FAM43B: variants seen among roughly 807,000 people sequenced by gnomAD.
FAM43B encodes family with sequence similarity 43 member B, also known as protein FAM43B.
A neutral mutation model predicts 20.1 loss-of-function variants in FAM43B; 17 were observed. The observed-to-expected ratio is 0.84, with a 90% confidence interval of 0.58 to 1.27. The LOEUF is 1.27. Ranked by LOEUF, FAM43B falls within the 50% of genes most tolerant of loss-of-function variation. FAM43B has a pLI of 0.00. For synonymous variants in FAM43B, 208 were observed against 238.5 expected (o/e 0.87, Z 1.18); for missense variants, 512 against 516.7 (o/e 0.99, Z 0.09).
chr1:20,553,905 CCGCGCAGCCCCGCCGCT>C lies in FAM43B; in HGVS notation c.933_949del (p.Ala312GlufsTer68). 1 of 1,260,406 alleles carries C rather than the reference CCGCGCAGCCCCGCCGCT, an allele frequency of 7.9e-7. No individual in the cohort carries two copies. Among genetic ancestry groups the C allele is most frequent in the Non-Finnish European group, 9.9e-7 (1 of 1,007,990 alleles). The allele number at this position is 1,260,406 out of a possible 1,614,324, so 78.1% of individuals were successfully genotyped here. The stretch of plus-strand genomic sequence containing the variant: ...CGGGGCGCCCCGGCGCCCCCGCCGC[CCGCGCAGCCCCGCCGCT>C]GGAAGGCCGGCCCCAGGGAGCGGGC... On this transcript the variant is annotated frameshift_variant, in exon 1 of 1. Transcript: ENST00000332947. LOFTEE classifies it high-confidence loss of function. The surrounding 1 kb of genome is among the most constrained non-coding windows in gnomAD (Gnocchi z 6.5).
In FAM43B at chr1:20,553,525, G is replaced by T. The variant is rs1250225596; in HGVS notation, c.552G>T (p.Ala184=). 2 of 1,333,454 alleles carry T rather than the reference G, an allele frequency of 1.5e-6. No homozygotes were observed. Among genetic ancestry groups the T allele is most frequent in the Non-Finnish European group, 9.5e-7 (1 of 1,048,644 alleles). The allele number at this position is 1,333,454 out of a possible 1,614,324, so 82.6% of individuals were successfully genotyped here. Residue 184 remains alanine, a synonymous_variant, in exon 1 of 1, where the codon GCG becomes GCT. Transcript: ENST00000332947. The surrounding 1 kb of genome is among the most constrained non-coding windows in gnomAD (Gnocchi z 6.5). ...GCCACGCTGTGCTGCTGGCGCGGGC[G>T]CACAAGGCGCGCGCCCTGGCCCGCC... The part of the protein sequence containing the change: ...LRCHAVLLAR[A]HKARALARLL...
Position 20,552,723 on chromosome 1 carries a change from A to G in FAM43B, c.-251A>G, listed in dbSNP as rs959578017. On this transcript the variant is annotated 5_prime_UTR_variant, in exon 1 of 1. Transcript: ENST00000332947. ...CCTCGCTTCCCAGACGGCTGGAGAC[A>G]CTCCCGGGAAAAGCGGTCCTCAGCC... 3 of 520,026 alleles carry G rather than the reference A, an allele frequency of 5.8e-6. No individual in the cohort carries two copies. Among genetic ancestry groups the G allele is most frequent in the African/African-American group, 4.0e-5 (2 of 49,562 alleles). The allele number at this position is 520,026 out of a possible 1,614,324, so 32.2% of individuals were successfully genotyped here.
At position 20,553,628 on chromosome 1, in the gene FAM43B, C is replaced by A; in HGVS notation, c.655C>A (p.Gln219Lys). Reference protein sequence around the residue: ...QRQSDARHVRQQHLRAGGAAA... With the variant: ...QRQSDARHVRKQHLRAGGAAA... ...CCAGAGCGACGCGCGCCACGTGCGC[C>A]AGCAGCATCTCCGCGCTGGGGGCGC... The change falls in exon 1 of 1, where the codon CAG (glutamine) becomes AAG (lysine). Residue 219 changes from glutamine to lysine, a missense_variant. Gln to Lys is a moderately conservative substitution (Grantham distance 53). Transcript: ENST00000332947. This position sits in a 1 kb window ranked among gnomAD's most constrained non-coding sequence, Gnocchi z 6.5. 7.8e-7 allele frequency: 1 copy of A among 1,281,894 alleles called. No individual in the cohort carries two copies. Among genetic ancestry groups the A allele is most frequent in the South Asian group, 2.6e-5 (1 of 37,750 alleles). 79.4% of individuals were successfully genotyped at this position (1,281,894 alleles called of 1,614,324 possible).
rs754150459 is a variant in FAM43B at position 20,553,027 on chromosome 1, C to T, written c.54C>T (p.Cys18=). 2.5e-6 allele frequency: 4 copies of T among 1,613,456 alleles called. No homozygotes were observed. The African/African-American group carries it at 5.3e-5, about 22-fold the overall frequency. Residue 18 remains cysteine, a synonymous_variant, in exon 1 of 1, where the codon TGC becomes TGT. Coordinates refer to ENST00000332947, the MANE Select transcript of FAM43B (RefSeq NM_207334.3). This position sits in a 1 kb window ranked among gnomAD's most constrained non-coding sequence, Gnocchi z 6.5. The part of the protein sequence containing the change: ...KFVLVEDEAK[C]KAKSLSPGLA... ...TGCTGGTGGAGGACGAGGCCAAGTG[C>T]AAGGCGAAGAGCCTGAGTCCGGGGC...
chr1:20,554,720 C>G lies in FAM43B; in HGVS notation c.*757C>G, dbSNP rs1162070456. 6.0e-6 allele frequency: 1 copy of G among 167,118 alleles called. No individual in the cohort carries two copies. Among genetic ancestry groups the G allele is most frequent in the East Asian group, 1.9e-4 (1 of 5,192 alleles). 10.4% of individuals were successfully genotyped at this position (167,118 alleles called of 1,614,324 possible). On this transcript the variant is annotated 3_prime_UTR_variant, in exon 1 of 1. Transcript: ENST00000332947. Reference sequence around the variant, plus strand: ...GTGTGTGGCCCCCTCCTAGGTGCCCCACAACCAGGACCAAGATGGGGCTCC... The same window carrying G: ...GTGTGTGGCCCCCTCCTAGGTGCCCGACAACCAGGACCAAGATGGGGCTCC...
In FAM43B at chr1:20,553,273, T is replaced by C. The variant is rs760708153; in HGVS notation, c.300T>C (p.Ala100=). The change falls in exon 1 of 1, where the codon GCT becomes GCC. Residue 100 remains alanine, a synonymous_variant. Coordinates refer to ENST00000332947, the MANE Select transcript of FAM43B (RefSeq NM_207334.3). This position sits in a 1 kb window ranked among gnomAD's most constrained non-coding sequence, Gnocchi z 6.5. ...CTDDAVGKIW[A]RCGPGGGTKM... ...ACGACGCCGTGGGCAAGATCTGGGCTCGCTGCGGGCCTGGCGGGGGCACTA... is the reference window on the plus strand; with the variant it reads ...ACGACGCCGTGGGCAAGATCTGGGCCCGCTGCGGGCCTGGCGGGGGCACTA... 5.0e-6 allele frequency: 8 copies of C among 1,610,574 alleles called. No homozygotes were observed. The highest frequency in any genetic ancestry group is 5.9e-6 in the Non-Finnish European group (7 of 1,178,958).
chr1:20,552,899 G>C lies in FAM43B; in HGVS notation c.-75G>C, dbSNP rs2052146254. ...ACTCCAGGGCGGTGGACTTCTGCGC[G>C]CCTTCCCTCCCCCGGTCTCCCGACA... On this transcript the variant is annotated 5_prime_UTR_variant, in exon 1 of 1. Coordinates refer to ENST00000332947, the MANE Select transcript of FAM43B (RefSeq NM_207334.3). 6.5e-7 allele frequency: 1 copy of C among 1,536,226 alleles called. No individual in the cohort carries two copies. The highest frequency in any genetic ancestry group is 2.3e-5 in the East Asian group (1 of 43,518).
chr1:20,553,988 C>T lies in FAM43B; in HGVS notation c.*25C>T. ...AGAGCCGAAGGACAGGACTCGCAGC[C>T]CCAGGCCCGACCCGCCAGACTCACA... On this transcript the variant is annotated 3_prime_UTR_variant, in exon 1 of 1. Coordinates refer to ENST00000332947, the MANE Select transcript of FAM43B (RefSeq NM_207334.3). The surrounding 1 kb of genome is among the most constrained non-coding windows in gnomAD (Gnocchi z 6.5). The T allele has an allele frequency of 1.7e-6, 2 of 1,210,268 alleles. No homozygotes were observed. Among genetic ancestry groups the T allele is most frequent in the Non-Finnish European group, 1.0e-6 (1 of 974,826 alleles). 75.0% of individuals were successfully genotyped at this position (1,210,268 alleles called of 1,614,324 possible).
At position 20,554,185 on chromosome 1, in the gene FAM43B, C is replaced by T. The variant is rs544373129; in HGVS notation, c.*222C>T. On this transcript the variant is annotated 3_prime_UTR_variant, in exon 1 of 1. Transcript: ENST00000332947. ...TCCCCACACCCGGAGTTTCCCGGGC[C>T]TGCCATTGTGGACCCGCCCCCTATG... 1 of 398,520 alleles carries T rather than the reference C, an allele frequency of 2.5e-6. No homozygotes were observed. The highest frequency in any genetic ancestry group is 4.1e-6 in the Non-Finnish European group (1 of 241,366). 24.7% of individuals were successfully genotyped at this position (398,520 alleles called of 1,614,324 possible). A position where few individuals can be genotyped will look rare whatever the true frequency, so the allele number is the denominator to read the frequency against.
In FAM43B at chr1:20,553,920, G is replaced by A; in HGVS notation, c.947G>A (p.Arg316His). Reference protein sequence around the residue: ...PAPPPPAQPRRWKAGPRERAG... With the variant: ...PAPPPPAQPRHWKAGPRERAG... ...CCCCCGCCGCCCGCGCAGCCCCGCCGCTGGAAGGCCGGCCCCAGGGAGCGG... is the reference window on the plus strand; with the variant it reads ...CCCCCGCCGCCCGCGCAGCCCCGCCACTGGAAGGCCGGCCCCAGGGAGCGG... The change falls in exon 1 of 1, where the codon CGC becomes CAC. Residue 316 changes from arginine to histidine, a missense_variant. By Grantham distance (29) the Arg-to-His change is conservative. Transcript: ENST00000332947. The surrounding 1 kb of genome is among the most constrained non-coding windows in gnomAD (Gnocchi z 6.5). 4 of 1,252,480 alleles carry A rather than the reference G, an allele frequency of 3.2e-6. No homozygotes were observed. Among genetic ancestry groups the A allele is most frequent in the African/African-American group, 1.6e-5 (1 of 63,766 alleles). 77.6% of individuals were successfully genotyped at this position (1,252,480 alleles called of 1,614,324 possible). A position where few individuals can be genotyped will look rare whatever the true frequency, so the allele number is the denominator to read the frequency against.
chr1:20,553,984 C>A lies in FAM43B; in HGVS notation c.*21C>A. The A allele has an allele frequency of 8.2e-7, 1 of 1,214,170 alleles. No individual in the cohort carries two copies. 75.2% of individuals were successfully genotyped at this position (1,214,170 alleles called of 1,614,324 possible). ...GCTGAGAGCCGAAGGACAGGACTCG[C>A]AGCCCCAGGCCCGACCCGCCAGACT... On this transcript the variant is annotated 3_prime_UTR_variant, in exon 1 of 1. Coordinates refer to ENST00000332947, the MANE Select transcript of FAM43B (RefSeq NM_207334.3). This position sits in a 1 kb window ranked among gnomAD's most constrained non-coding sequence, Gnocchi z 6.5.
chr1:20,553,588 C>A lies in FAM43B; in HGVS notation c.615C>A (p.Phe205Leu), dbSNP rs1055610460. ...RQTALAAFSD[F>L]KRLQRQSDAR... The stretch of plus-strand genomic sequence containing the variant: ...CCGCGCTGGCGGCCTTCAGCGACTT[C>A]AAGCGCCTGCAGCGCCAGAGCGACG... Residue 205 changes from phenylalanine (F) to leucine (L), a missense_variant, in exon 1 of 1, where the codon TTC becomes TTA. Coordinates refer to ENST00000332947, the MANE Select transcript of FAM43B (RefSeq NM_207334.3). This position sits in a 1 kb window ranked among gnomAD's most constrained non-coding sequence, Gnocchi z 6.5. The A allele has an allele frequency of 3.9e-6, 5 of 1,281,354 alleles. No homozygotes were observed. The African/African-American group carries it at 7.8e-5, about 20-fold the overall frequency. The allele number at this position is 1,281,354 out of a possible 1,614,324, so 79.4% of individuals were successfully genotyped here. A position where few individuals can be genotyped will look rare whatever the true frequency, so the allele number is the denominator to read the frequency against.
Position 20,553,598 on chromosome 1 carries a change from C to A in FAM43B, c.625C>A (p.Gln209Lys). ...GGCCTTCAGCGACTTCAAGCGCCTG[C>A]AGCGCCAGAGCGACGCGCGCCACGT... ...LAAFSDFKRL[Q>K]RQSDARHVRQ... Residue 209 changes from glutamine to lysine, a missense_variant, in exon 1 of 1, where the codon CAG becomes AAG. Physicochemically the swap from Gln to Lys is moderately conservative, Grantham distance 53. Coordinates refer to ENST00000332947, the MANE Select transcript of FAM43B (RefSeq NM_207334.3). The surrounding 1 kb of genome is among the most constrained non-coding windows in gnomAD (Gnocchi z 6.5). 1 of 1,279,962 alleles carries A rather than the reference C, an allele frequency of 7.8e-7. No homozygotes were observed. Among genetic ancestry groups the A allele is most frequent in the African/African-American group, 1.6e-5 (1 of 64,166 alleles). The allele number at this position is 1,279,962 out of a possible 1,614,324, so 79.3% of individuals were successfully genotyped here.
In FAM43B at chr1:20,554,428, C is replaced by T. The variant is rs1397516245; in HGVS notation, c.*465C>T. 1 of 167,448 alleles carries T rather than the reference C, an allele frequency of 6.0e-6. No homozygotes were observed. The allele number at this position is 167,448 out of a possible 1,614,324, so 10.4% of individuals were successfully genotyped here. A position where few individuals can be genotyped will look rare whatever the true frequency, so the allele number is the denominator to read the frequency against. The stretch of plus-strand genomic sequence containing the variant: ...TCTTGTAGGAGAAGAATCTAGCGGC[C>T]GGGGAGAATTGGGGCCGGGCCGGCG... On this transcript the variant is annotated 3_prime_UTR_variant, in exon 1 of 1. Coordinates refer to ENST00000332947, the MANE Select transcript of FAM43B (RefSeq NM_207334.3).
chr1:20,552,854 G>A lies in FAM43B; in HGVS notation c.-120G>A, dbSNP rs2052145932. ...CATCTCCAGGCAACGACTGTCCCCG[G>A]CCCTGCCCAGCTTCTCGCGACTCCA... On this transcript the variant is annotated 5_prime_UTR_variant, in exon 1 of 1. Coordinates refer to ENST00000332947, the MANE Select transcript of FAM43B (RefSeq NM_207334.3). 1 of 1,248,156 alleles carries A rather than the reference G, an allele frequency of 8.0e-7. No homozygotes were observed. Among genetic ancestry groups the A allele is most frequent in the Non-Finnish European group, 1.1e-6 (1 of 908,284 alleles). 77.3% of individuals were successfully genotyped at this position (1,248,156 alleles called of 1,614,324 possible).
At position 20,553,862 on chromosome 1, in the gene FAM43B, C is replaced by T. The variant is rs1346732082; in HGVS notation, c.889C>T (p.Leu297=). The change falls in exon 1 of 1, where the codon CTG becomes TTG. Residue 297 remains leucine, a synonymous_variant. Transcript: ENST00000332947. The surrounding 1 kb of genome is among the most constrained non-coding windows in gnomAD (Gnocchi z 6.5). ...GGAGGTGCTCAGCCTGGCCCGGGAG[C>T]TGAGGACGTGCAGCCTGCGGGGCGC... is the stretch of plus-strand genomic sequence containing the variant. ...RPEVLSLARE[L]RTCSLRGAPA... 5.7e-6 allele frequency: 8 copies of T among 1,414,694 alleles called. No homozygotes were observed. Among genetic ancestry groups the T allele is most frequent in the Non-Finnish European group, 6.5e-6 (7 of 1,075,202 alleles). The allele number at this position is 1,414,694 out of a possible 1,614,324, so 87.6% of individuals were successfully genotyped here.
In FAM43B at chr1:20,554,352, G is replaced by C. The variant is rs1256985988; in HGVS notation, c.*389G>C. ...GGTGGAGGCAGTGACCTTGCCCTTG[G>C]TCCCTCTAGCCTTCTTCCCTGTGCA... On this transcript the variant is annotated 3_prime_UTR_variant, in exon 1 of 1. Coordinates refer to ENST00000332947, the MANE Select transcript of FAM43B (RefSeq NM_207334.3). 2 of 172,070 alleles carry C rather than the reference G, an allele frequency of 1.2e-5. No homozygotes were observed. The highest frequency in any genetic ancestry group is 2.8e-5 in the Non-Finnish European group (2 of 71,780). The allele number at this position is 172,070 out of a possible 1,614,324, so 10.7% of individuals were successfully genotyped here. A position where few individuals can be genotyped will look rare whatever the true frequency, so the allele number is the denominator to read the frequency against.
In FAM43B at chr1:20,553,834, G is replaced by T. The variant is rs1442025729; in HGVS notation, c.861G>T (p.Arg287=). The T allele has an allele frequency of 4.1e-6, 6 of 1,453,922 alleles. No homozygotes were observed. The South Asian group carries it at 7.8e-5, about 19-fold the overall frequency. 90.1% of individuals were successfully genotyped at this position (1,453,922 alleles called of 1,614,324 possible). ...AGGGAGGAGTCCCCCAGCGCGAGCG[G>T]CCGGAGGTGCTCAGCCTGGCCCGGG... ...EQEGGVPQRE[R]PEVLSLAREL... Residue 287 remains arginine, a synonymous_variant, in exon 1 of 1, where the codon CGG becomes CGT. Coordinates refer to ENST00000332947, the MANE Select transcript of FAM43B (RefSeq NM_207334.3). This position sits in a 1 kb window ranked among gnomAD's most constrained non-coding sequence, Gnocchi z 6.5.
chr1:20,553,773 A>C lies in FAM43B; in HGVS notation c.800A>C (p.Asp267Ala), dbSNP rs1227027607. The C allele has an allele frequency of 1.4e-6, 2 of 1,474,762 alleles. No homozygotes were observed. The highest frequency in any genetic ancestry group is 1.8e-6 in the Non-Finnish European group (2 of 1,107,996). The allele number at this position is 1,474,762 out of a possible 1,614,324, so 91.4% of individuals were successfully genotyped here. The change falls in exon 1 of 1, where the codon GAC (aspartate) becomes GCC (alanine). Residue 267 changes from aspartate (D) to alanine (A), a missense_variant. Coordinates refer to ENST00000332947, the MANE Select transcript of FAM43B (RefSeq NM_207334.3). The surrounding 1 kb of genome is among the most constrained non-coding windows in gnomAD (Gnocchi z 6.5). ...APRLSSIQEE[D>A]EEEEEDDAEE... Reference sequence around the variant, plus strand: ...CGCCTCAGCAGCATCCAGGAGGAGGACGAGGAGGAGGAGGAGGACGACGCG... The same window carrying C: ...CGCCTCAGCAGCATCCAGGAGGAGGCCGAGGAGGAGGAGGAGGACGACGCG...
Sources: allele counts gnomAD v4.1 joint callset, GRCh38; gene constraint gnomAD v4.1.1; non-coding constraint Gnocchi (gnomAD v3.1); transcripts MANE v1.5; gene names NCBI Gene and HGNC (gene_info 2026-07-23, HGNC 2026-07-21).